The following ARHGEF12 variants were observed in gnomAD, a reference collection of about 807,000 sequenced individuals.
The protein encoded by ARHGEF12 is Rho guanine nucleotide exchange factor 12.
ARHGEF12 carries 66 observed loss-of-function variants against 211.2 expected under a neutral mutation model. That is an observed-to-expected ratio of 0.31 (90% CI 0.26 to 0.38). The LOEUF is 0.38. Ranked by LOEUF, ARHGEF12 falls within the 10% of genes least tolerant of loss-of-function variation. ARHGEF12 has a pLI of 1.00. For missense variants in ARHGEF12, 1,429 were observed against 1,869.5 expected, an observed-to-expected ratio of 0.76 and a Z score of 4.34; for synonymous variants, 592 against 638.4, an observed-to-expected ratio of 0.93 and a Z score of 1.09.
In ARHGEF12 at chr11:120,437,589, C is replaced by T. The variant is rs190939446; in HGVS notation, c.999+207C>T. 1.5e-3 allele frequency among the ~76,000 whole-genome samples: 227 copies of T among 152,120 alleles called. 2 individuals are homozygous for T. Among genetic ancestry groups the T allele is most frequent in the East Asian group, 1.4e-3 (7 of 5,184 alleles). ...TATTCTTAGGTTCCTTCATATTTGT[C>T]GTGGTGGTAACATAAAATGTACTAG... is the stretch of plus-strand genomic sequence containing the variant. On this transcript the variant is annotated intron_variant, in intron 12 of 40. Transcript: ENST00000397843.
chr11:120,364,367 A>G (rs1243498444), intron 1 of ARHGEF12, among the ~76,000 whole-genome samples: 1 of 152,252 alleles, frequency 6.6e-6, no homozygotes, highest in African/African-American at 2.4e-5. Context: ...GTGGGCATGT[A>G]AATTGGTTTA....
chr11:120,457,914 G>A (rs1946414492), intron 24 of ARHGEF12, 158 bp downstream of exon 24: 3 of 1,113,210 alleles, frequency 2.7e-6, no homozygotes, highest in Non-Finnish European at 2.5e-6. Context: ...TTCAAAAGCT[G>A]TATTTTGAAG....
At chr11:120,457,097 A>T (rs376170675) in intron 22 of ARHGEF12, 21 bp from the exon 23 acceptor site, 1 of 1,612,458 alleles carries the variant, frequency 6.2e-7, no homozygotes, top group African/African-American at 1.3e-5. Flanking sequence ...CACTCTTCAA[A>T]TGTCTGACTT....
At chr11:120,378,848 T>C (rs542122355) in intron 1 of ARHGEF12, among the ~76,000 whole-genome samples, 2 of 152,374 alleles carry the variant, frequency 1.3e-5, no homozygotes, top group South Asian at 2.1e-4. Flanking sequence ...AACATATTGA[T>C]TGATTTATTA....
At position 120,487,220 on chromosome 11, in the gene ARHGEF12, TTC is replaced by T. The variant is rs1947420092; in HGVS notation, c.*2147_*2148del. The T allele has an allele frequency of 4.6e-6, 1 of 218,108 alleles. No individual in the cohort carries two copies. The highest frequency in any genetic ancestry group is 2.2e-5 in the African/African-American group (1 of 44,472). The allele number at this position is 218,108 out of a possible 1,614,324, so 13.5% of individuals were successfully genotyped here. A position where few individuals can be genotyped will look rare whatever the true frequency, so the allele number is the denominator to read the frequency against. On this transcript the variant is annotated 3_prime_UTR_variant, in exon 41 of 41. Coordinates refer to ENST00000397843, the MANE Select transcript of ARHGEF12 (RefSeq NM_015313.3). The stretch of plus-strand genomic sequence containing the variant: ...GCTTGTAGGTTAGCAAAATTTCAGT[TTC>T]TCTAGTTCAGCCAGTGTCTTGTCCT...
intron 1 of ARHGEF12, among the ~76,000 whole-genome samples, chr11:120,385,048 G>GT (rs569907332): frequency 2.6e-5 from 4 of 151,852 alleles, no homozygotes; most frequent in East Asian, 1.9e-4. Flanking sequence ...GAAAATTAGG[G>GT]TTTTTTTGTG....
chr11:120,441,508 A>G (rs371333279), intron 13 of ARHGEF12, among the ~76,000 whole-genome samples, 199 bp from the exon 14 acceptor site: 1 of 152,150 alleles, frequency 6.6e-6, no homozygotes, highest in African/African-American at 2.4e-5. Flanking sequence ...CTTCTAACCT[A>G]TCCCCAAGAG....
chr11:120,437,645 A>G (rs1338201238), intron 12 of ARHGEF12, among the ~76,000 whole-genome samples: 1 of 152,184 alleles, frequency 6.6e-6, no homozygotes, highest in African/African-American at 2.4e-5. Context: ...TAGTGGCATT[A>G]AGTATATTCA....
In ARHGEF12 at chr11:120,442,138, C is replaced by G. The variant is rs769792367; in HGVS notation, c.1238C>G (p.Thr413Ser). 6.2e-7 allele frequency: 1 copy of G among 1,610,444 alleles called. No homozygotes were observed. Among genetic ancestry groups the G allele is most frequent in the Non-Finnish European group, 8.5e-7 (1 of 1,179,148 alleles). Residue 413 changes from threonine (T) to serine (S), a missense_variant, in exon 15 of 41, where the codon ACC becomes AGC. Around this residue, in one of 7 missense-constraint regions of ARHGEF12, gnomAD observed 373 missense variants for 467.5 expected, o/e 0.80. Transcript: ENST00000397843. ...CTCTATTCAGACCTGTATAAACATA[C>G]CAATTCCAAAGAAACTCGTCGCATC... The part of the protein sequence containing the change: ...CYLYSDLYKH[T>S]NSKETRRIFL...
intron 22 of ARHGEF12, among the ~76,000 whole-genome samples, chr11:120,456,321 T>A (rs556047662): frequency 7.2e-5 from 11 of 151,960 alleles, no homozygotes; most frequent in Non-Finnish European, 1.5e-4. Flanking sequence ...CAGAAGAGAG[T>A]TGAGATACTA....
intron 4 of ARHGEF12, among the ~76,000 whole-genome samples, chr11:120,412,423 C>G (rs1944912160): frequency 6.6e-6 from 1 of 152,204 alleles, no homozygotes; most frequent in South Asian, 2.1e-4. Context: ...GTTAGAAGAT[C>G]AAGATCAGGA....
intron 1 of ARHGEF12, among the ~76,000 whole-genome samples, chr11:120,377,244 A>C (rs1431282852): frequency 1.3e-5 from 2 of 152,190 alleles, no homozygotes; most frequent in African/African-American, 4.8e-5. Flanking sequence ...CCATCACCCC[A>C]AAAAATTGTC....
intron 15 of ARHGEF12, among the ~76,000 whole-genome samples, chr11:120,443,438 A>T (rs886288413): frequency 3.9e-5 from 6 of 152,162 alleles, no homozygotes; most frequent in Non-Finnish European, 8.8e-5. Flanking sequence ...CATCGGTTTT[A>T]TATTTTCTAC....
chr11:120,368,874 C>T (rs1157917890), intron 1 of ARHGEF12, among the ~76,000 whole-genome samples: 4 of 152,022 alleles, frequency 2.6e-5, no homozygotes, highest in African/African-American at 7.2e-5. Context: ...TTTCTGCCCC[C>T]TCCCTCCTTT....
At chr11:120,347,167 C>CTTT (rs1942771699) in intron 1 of ARHGEF12, among the ~76,000 whole-genome samples, 5 of 62,790 alleles carry the variant, frequency 8.0e-5, no homozygotes, top group East Asian at 6.3e-4. Context: ...TTCCTTCCTT[C>CTTT]CTTCCTTCCT....
rs1390178430 is a variant in ARHGEF12 at position 120,431,754 on chromosome 11, T to C, written c.784-17T>C. Reference sequence around the variant, plus strand: ...TTATGTGTTTGTGTGCGCGTGTTTTTCTTTCATCTGTTTTAGGATGGAGCT... The same window carrying C: ...TTATGTGTTTGTGTGCGCGTGTTTTCCTTTCATCTGTTTTAGGATGGAGCT... On this transcript the variant is annotated splice_polypyrimidine_tract_variant and intron_variant, in intron 10 of 40. Coordinates refer to ENST00000397843, the MANE Select transcript of ARHGEF12 (RefSeq NM_015313.3). 6 of 1,559,412 alleles carry C rather than the reference T, an allele frequency of 3.8e-6. No individual in the cohort carries two copies. Among genetic ancestry groups the C allele is most frequent in the African/African-American group, 1.4e-5 (1 of 72,744 alleles).
intron 1 of ARHGEF12, among the ~76,000 whole-genome samples, chr11:120,386,061 T>C (rs992749810): frequency 6.6e-6 from 1 of 152,156 alleles, no homozygotes; most frequent in Admixed American, 6.5e-5. Flanking sequence ...AAAGGTGGTA[T>C]CCATGGCACC....
At chr11:120,466,800 T>C (rs1946717944) in intron 28 of ARHGEF12, among the ~76,000 whole-genome samples, 1 of 152,222 alleles carries the variant, frequency 6.6e-6, no homozygotes, top group African/African-American at 2.4e-5. Flanking sequence ...CGACTGGTTA[T>C]CCATTGTGCA....
intron 32 of ARHGEF12, 148 bp downstream of exon 32, chr11:120,474,783 TTG>T: frequency 3.4e-6 from 2 of 590,690 alleles, no homozygotes; most frequent in Middle Eastern, 2.8e-4. Flanking sequence ...GTAGATCTGC[TTG>T]TGTTATTTCA....
Sources: allele counts gnomAD v4.1 joint callset (sites outside exome capture counted in the v4.1 genomes callset), GRCh38; gene constraint gnomAD v4.1.1; regional missense constraint gnomAD v4.1.1; transcripts MANE v1.5; gene names NCBI Gene and HGNC (gene_info 2026-07-23, HGNC 2026-07-21).